The following SRGAP1 variants were observed in gnomAD, a reference collection of about 807,000 sequenced individuals.
SRGAP1 encodes the protein SLIT-ROBO Rho GTPase activating protein 1, also known as SLIT-ROBO Rho GTPase-activating protein 1.
SRGAP1 carries 43 observed loss-of-function variants against 121.9 expected under a neutral mutation model. That is an observed-to-expected ratio of 0.35 (90% CI 0.28 to 0.46). SRGAP1 has a LOEUF of 0.46. SRGAP1 is among the 20% of genes least tolerant of loss of function. SRGAP1 has a pLI of 1.00. For synonymous variants in SRGAP1, 447 were observed against 485.4 expected (o/e 0.92, Z 1.04); for missense variants, 1,102 against 1,350.9 (o/e 0.82, Z 2.89).
In SRGAP1 at chr12:64,079,132, C is replaced by G; in HGVS notation, c.1323+16C>G. 2 of 1,613,006 alleles carry G rather than the reference C, an allele frequency of 1.2e-6. No homozygotes were observed. Among genetic ancestry groups the G allele is most frequent in the Non-Finnish European group, 1.7e-6 (2 of 1,179,744 alleles). The stretch of plus-strand genomic sequence containing the variant: ...CTACTTCATGGTGTGCCCGCCACTT[C>G]CCAAGCCACTCTACAGAGCTCAGAT... On this transcript the variant is annotated intron_variant, in intron 9 of 21. Coordinates refer to ENST00000355086, the MANE Select transcript of SRGAP1 (RefSeq NM_020762.4).
chr12:64,159,572 G>C lies in SRGAP1; in HGVS notation c.*16900G>C, dbSNP rs1191179921. 6.5e-6 allele frequency: 1 copy of C among 152,684 alleles called. No homozygotes were observed. Among genetic ancestry groups the C allele is most frequent in the African/African-American group, 2.4e-5 (1 of 41,460 alleles). The allele number at this position is 152,684 out of a possible 1,614,324, so 9.5% of individuals were successfully genotyped here. On this transcript the variant is annotated 3_prime_UTR_variant, in exon 22 of 22. Transcript: ENST00000355086. ...AAGGATCGCTTGAGCCTGGGAGGTA[G>C]ACGCTGCAGTGAGCTGAGATCATAC...
chr12:64,028,051 A>G (rs1374907091), intron 4 of SRGAP1, among the ~76,000 whole-genome samples: 1 of 152,238 alleles, frequency 6.6e-6, no homozygotes, highest in Non-Finnish European at 1.5e-5. Flanking sequence ...CTAAATATTT[A>G]AAGTTGCATG....
intron 1 of SRGAP1, among the ~76,000 whole-genome samples, chr12:63,956,613 C>G (rs564707196): frequency 1.3e-5 from 2 of 152,124 alleles, no homozygotes; most frequent in African/African-American, 4.8e-5. Flanking sequence ...AATATTATCT[C>G]CTAATACAAC....
At chr12:64,068,290 A>T (rs2035576464) in intron 8 of SRGAP1, among the ~76,000 whole-genome samples, 1 of 111,824 alleles carries the variant, frequency 8.9e-6, no homozygotes, top group African/African-American at 3.8e-5. Flanking sequence ...AAAAAAAAAA[A>T]AAAAAAGTAG....
intron 3 of SRGAP1, among the ~76,000 whole-genome samples, chr12:64,005,671 A>G (rs552511169): frequency 1.3e-5 from 2 of 151,760 alleles, no homozygotes; most frequent in Admixed American, 1.3e-4. Flanking sequence ...AATAAAAAAA[A>G]GTTTTAACTC....
At chr12:63,974,875 G>T (rs1230938853) in intron 1 of SRGAP1, among the ~76,000 whole-genome samples, 1 of 152,068 alleles carries the variant, frequency 6.6e-6, no homozygotes, top group Non-Finnish European at 1.5e-5. Context: ...TTTAAGGCAT[G>T]ACATTTCCAT....
chr12:63,853,181 G>A lies in SRGAP1; in HGVS notation c.67+8298G>A, dbSNP rs148448852. The stretch of plus-strand genomic sequence containing the variant: ...AGTACAGGCACCCGCCACCATGCCC[G>A]GCTAATTTTTTGTATTTTTAGGAGA... On this transcript the variant is annotated intron_variant, in intron 1 of 21. Transcript: ENST00000355086. 5.0e-3 allele frequency among the ~76,000 whole-genome samples: 757 copies of A among 151,852 alleles called. 2 individuals carry two copies. Among genetic ancestry groups the A allele is most frequent in the Middle Eastern group, 0.014 (4 of 294 alleles).
At chr12:63,972,055 CAA>C (rs767936272) in intron 1 of SRGAP1, among the ~76,000 whole-genome samples, 91 of 152,250 alleles carry the variant, frequency 6.0e-4, no homozygotes, top group Non-Finnish European at 1.0e-3. Flanking sequence ...GAAATCCAAT[CAA>C]AGTCTCTAAT....
intron 4 of SRGAP1, among the ~76,000 whole-genome samples, chr12:64,020,143 A>T (rs531050337): frequency 2.0e-5 from 3 of 152,228 alleles, no homozygotes; most frequent in Admixed American, 2.0e-4. Context: ...CAAACATTTT[A>T]TCAGAAGGCT....
chr12:63,865,161 A>G (rs1899582238), intron 1 of SRGAP1, among the ~76,000 whole-genome samples: 1 of 152,158 alleles, frequency 6.6e-6, no homozygotes, highest in African/African-American at 2.4e-5. Context: ...AGTTTTTCTG[A>G]GTAAAAATCC....
chr12:64,025,248 G>A (rs898491931), intron 4 of SRGAP1, among the ~76,000 whole-genome samples: 5 of 152,034 alleles, frequency 3.3e-5, no homozygotes, highest in Non-Finnish European at 1.5e-5. Flanking sequence ...CGAGGACTGC[G>A]GAGGGAAACT....
At chr12:64,045,293 G>T (rs1195554439) in intron 6 of SRGAP1, among the ~76,000 whole-genome samples, 2 of 151,966 alleles carry the variant, frequency 1.3e-5, no homozygotes, top group Non-Finnish European at 2.9e-5. Context: ...TAAAAATAAA[G>T]AATTTTATAA....
intron 12 of SRGAP1, among the ~76,000 whole-genome samples, chr12:64,094,350 T>C (rs2036114271): frequency 6.6e-6 from 1 of 152,230 alleles, no homozygotes; most frequent in Middle Eastern, 3.2e-3. Flanking sequence ...ATCTGCGATA[T>C]ACAGTTGTGC....
intron 3 of SRGAP1, among the ~76,000 whole-genome samples, chr12:64,010,634 A>G (rs945001954): frequency 3.3e-5 from 5 of 152,082 alleles, no homozygotes; most frequent in Non-Finnish European, 5.9e-5. Flanking sequence ...TGCAAGGACA[A>G]TTGTTAGGAT....
intron 1 of SRGAP1, among the ~76,000 whole-genome samples, chr12:63,847,923 A>G (rs1898954570): frequency 6.6e-6 from 1 of 151,740 alleles, no homozygotes; most frequent in Admixed American, 6.6e-5. Context: ...TAACAACTTT[A>G]TTTATCTCAG....
rs1290215973 is a variant in SRGAP1 at position 64,150,623 on chromosome 12, G to T, written c.*7951G>T. ...CATTAACTCAAAAATGAAGTTTGAG[G>T]TTCTGGGCCTTTGATGGACTGCATC... On this transcript the variant is annotated 3_prime_UTR_variant, in exon 22 of 22. Coordinates refer to ENST00000355086, the MANE Select transcript of SRGAP1 (RefSeq NM_020762.4). 1 of 111,744 alleles carries T rather than the reference G, an allele frequency of 8.9e-6. No homozygotes were observed. Among genetic ancestry groups the T allele is most frequent in the Non-Finnish European group, 2.1e-5 (1 of 47,174 alleles). 6.9% of individuals were successfully genotyped at this position (111,744 alleles called of 1,614,324 possible).
At chr12:63,884,963 G>A (rs933947740) in intron 1 of SRGAP1, among the ~76,000 whole-genome samples, 6 of 151,950 alleles carry the variant, frequency 3.9e-5, no homozygotes, top group East Asian at 1.9e-4. Flanking sequence ...CTCGTGATCC[G>A]CCCGCCTCGG....
intron 3 of SRGAP1, among the ~76,000 whole-genome samples, chr12:64,000,686 G>C (rs1415863976): frequency 6.6e-6 from 1 of 152,180 alleles, no homozygotes; most frequent in African/African-American, 2.4e-5. Flanking sequence ...GAGAGAACAG[G>C]TGTAATTGAT....
chr12:63,936,777 G>T (rs1418794819), intron 1 of SRGAP1, among the ~76,000 whole-genome samples: 2 of 152,120 alleles, frequency 1.3e-5, no homozygotes, highest in East Asian at 3.8e-4. Flanking sequence ...TCTACAATTT[G>T]CTAACTTGTT....
Sources: gnomAD v4.1 joint callset for allele counts (sites outside exome capture counted in the v4.1 genomes callset) on GRCh38, gnomAD v4.1.1 for gene constraint, MANE v1.5 for transcripts, NCBI Gene and HGNC (gene_info 2026-07-23, HGNC 2026-07-21) for gene names.